POSTN: variants seen among roughly 807,000 people sequenced by gnomAD.
The protein encoded by POSTN is periostin.
Under a neutral mutation model 104.5 loss-of-function variants are expected in POSTN, and 71 were observed. The observed-to-expected ratio is 0.68, with a 90% confidence interval of 0.56 to 0.83. The LOEUF is 0.83. Ranked by LOEUF, POSTN falls within the 40% of genes least tolerant of loss-of-function variation. The pLI, the probability that POSTN is intolerant of heterozygous loss-of-function variation, is 0.00. For synonymous variants in POSTN, 355 were observed against 340.7 expected (o/e 1.04, Z -0.46); for missense variants, 949 against 1,006.8 (o/e 0.94, Z 0.78).
intron 12 of POSTN, 101 bp downstream of exon 12, chr13:37,579,760 A>G: frequency 7.6e-7 from 1 of 1,314,580 alleles, no homozygotes; most frequent in Non-Finnish European, 1.0e-6. Context: ...TGAATACCAG[A>G]GAGGGGGCAT....
chr13:37,592,461 G>A (rs1593366171), intron 2 of POSTN, among the ~76,000 whole-genome samples: 1 of 152,044 alleles, frequency 6.6e-6, no homozygotes, highest in African/African-American at 2.4e-5. Flanking sequence ...ACCACGCCTG[G>A]CTAATTTTTT....
At chr13:37,573,903 A>G (rs1334864740) in intron 17 of POSTN, among the ~76,000 whole-genome samples, 1 of 145,738 alleles carries the variant, frequency 6.9e-6, no homozygotes, top group African/African-American at 2.6e-5. Context: ...TTAATGTTCT[A>G]GTCTGAAACA....
chr13:37,585,022 T>C, intron 7 of POSTN, 94 bp from the exon 8 acceptor site: 1 of 1,497,834 alleles, frequency 6.7e-7, no homozygotes. Flanking sequence ...TAAGTATTCC[T>C]TAAAATGTAG....
chr13:37,569,271 AG>A, intron 21 of POSTN, 28 bp downstream of exon 21: 1 of 1,529,816 alleles, frequency 6.5e-7, no homozygotes, highest in Non-Finnish European at 9.0e-7. Flanking sequence ...GAACCTGTTA[AG>A]GGGGTTAGTT....
intron 20 of POSTN, 52 bp downstream of exon 20, chr13:37,569,692 T>C (rs912856824): frequency 1.6e-5 from 20 of 1,264,090 alleles, no homozygotes; most frequent in Non-Finnish European, 2.1e-5. Context: ...TTTAGACTTG[T>C]ATATGGATAG....
intron 16 of POSTN, among the ~76,000 whole-genome samples, chr13:37,576,656 C>A (rs1950417861): frequency 6.6e-6 from 1 of 152,016 alleles, no homozygotes; most frequent in Admixed American, 6.6e-5. Context: ...GATGACATAA[C>A]ATGTCTGATG....
chr13:37,564,765 A>C, intron 21 of POSTN: 1 of 388,178 alleles, frequency 2.6e-6, no homozygotes, highest in Non-Finnish European at 4.6e-6. Context: ...TCCATATATC[A>C]TAATGAATGT....
intron 13 of POSTN, 42 bp from the exon 14 acceptor site, chr13:37,579,163 A>C (rs1593334287): frequency 1.2e-6 from 2 of 1,604,072 alleles, no homozygotes; most frequent in South Asian, 1.1e-5. Context: ...AATTTCATTA[A>C]GGATGAATAT....
intron 5 of POSTN, 52 bp from the exon 6 acceptor site, chr13:37,586,980 C>T: frequency 6.5e-7 from 1 of 1,546,364 alleles, no homozygotes; most frequent in African/African-American, 1.4e-5. Flanking sequence ...ACCCATTGAC[C>T]ACTGAGACTG....
In POSTN at chr13:37,598,697, T is replaced by C; in HGVS notation, c.30A>G (p.Leu10=). ...TAGGGTTAACAATAAGCAGCAATAG[T>C]AGAGAAAACATGGGTAAAAAGGGAA... The part of the protein sequence containing the change: MIPFLPMFS[L]LLLLIVNPIN... Residue 10 remains leucine (L), a synonymous_variant, in exon 1 of 23, where the codon CTA becomes CTG. Transcript: ENST00000379747. The C allele has an allele frequency of 6.2e-7, 1 of 1,613,178 alleles. No individual in the cohort carries two copies. The highest frequency in any genetic ancestry group is 8.5e-7 in the Non-Finnish European group (1 of 1,179,340).
At chr13:37,594,152 AGATT>A (rs563505197) in intron 2 of POSTN, among the ~76,000 whole-genome samples, 51 of 152,244 alleles carry the variant, frequency 3.3e-4, no homozygotes, top group Non-Finnish European at 5.7e-4. Flanking sequence ...GGATGTCAAA[AGATT>A]GATTAACAAT....
intron 1 of POSTN, 75 bp from the exon 2 acceptor site, chr13:37,597,357 T>G: frequency 1.1e-6 from 1 of 910,234 alleles, no homozygotes; most frequent in South Asian, 1.7e-5. Flanking sequence ...GATTGGTTGA[T>G]AGAAGAAAAT....
At chr13:37,563,628 C>T (rs1406335633) in intron 22 of POSTN, among the ~76,000 whole-genome samples, 2 of 152,016 alleles carry the variant, frequency 1.3e-5, no homozygotes, top group African/African-American at 4.8e-5. Context: ...CATAGATTTA[C>T]TGACACATTC....
At chr13:37,592,015 C>T in intron 3 of POSTN, 85 bp downstream of exon 3, 1 of 830,674 alleles carries the variant, frequency 1.2e-6, no homozygotes, top group Non-Finnish European at 2.1e-6. Flanking sequence ...TGAATACACA[C>T]ATACACAATT....
At chr13:37,580,822 G>A (rs9576307) in intron 10 of POSTN, 125 bp from the exon 11 acceptor site, 6 of 1,079,602 alleles carry the variant, frequency 5.6e-6, no homozygotes, top group Admixed American at 2.2e-5. Context: ...CTGAGGCCAC[G>A]GGAACAGCTT....
rs535311694 is a variant in POSTN at position 37,593,888 on chromosome 13, T to G, written c.219-1724A>C. Among the ~76,000 whole-genome samples, 64 of 151,846 alleles carry G rather than the reference T, an allele frequency of 4.2e-4. 2 individuals carry two copies. The South Asian group carries it at 7.1e-3, about 17-fold the overall frequency. ...AGGATTTGTAGTCTGGTTTATAACC[T>G]TGGATCCTCATTCTTTATTTGTTAA... On this transcript the variant is annotated intron_variant, in intron 2 of 22. Coordinates refer to ENST00000379747, the MANE Select transcript of POSTN (RefSeq NM_006475.3).
chr13:37,575,073 A>G (rs1950366495), intron 16 of POSTN, among the ~76,000 whole-genome samples: 1 of 152,056 alleles, frequency 6.6e-6, no homozygotes, highest in Admixed American at 6.6e-5. Context: ...AAAAGAAAAA[A>G]TGAAAGAAAA....
At chr13:37,567,714 T>C (rs1950156531) in intron 21 of POSTN, among the ~76,000 whole-genome samples, 1 of 152,202 alleles carries the variant, frequency 6.6e-6, no homozygotes. Context: ...AATAAACTTC[T>C]GGGATGATCA....
chr13:37,587,027 T>G (rs1204794382), intron 5 of POSTN, 99 bp from the exon 6 acceptor site: 2 of 1,013,532 alleles, frequency 2.0e-6, no homozygotes, highest in African/African-American at 3.3e-5. Flanking sequence ...TACTAGTAAA[T>G]GTAACATACA....
Sources: gnomAD v4.1 joint callset for allele counts (sites outside exome capture counted in the v4.1 genomes callset) on GRCh38, gnomAD v4.1.1 for gene constraint, MANE v1.5 for transcripts, NCBI Gene and HGNC (gene_info 2026-07-23, HGNC 2026-07-21) for gene names.